NUP58: variants seen among roughly 807,000 people sequenced by gnomAD.
The protein encoded by NUP58 is nucleoporin 58, also known as nucleoporin p58/p45.
A neutral mutation model predicts 70.1 loss-of-function variants in NUP58; 17 were observed. The observed-to-expected ratio is 0.24, with a 90% CI of 0.17 to 0.36. The LOEUF is 0.36. Among genes scored for constraint, NUP58 ranks in the 10% least tolerant of loss-of-function variants. NUP58 has a pLI of 1.00. For missense variants in NUP58, 644 were observed against 701.5 expected, an observed-to-expected ratio of 0.92 and a Z score of 0.93; for synonymous variants, 275 against 257.6, an observed-to-expected ratio of 1.07 and a Z score of -0.65.
At chr13:25,302,097 C>T (rs2030043266) in intron 1 of NUP58, among the ~76,000 whole-genome samples, 2 of 152,268 alleles carry the variant, frequency 1.3e-5, no homozygotes, top group Middle Eastern at 3.2e-3. Context: ...GGGTTCTGTG[C>T]TGTGAGGTTT....
chr13:25,331,630 T>G, intron 13 of NUP58, 72 bp downstream of exon 13: 1 of 1,540,732 alleles, frequency 6.5e-7, no homozygotes, highest in Non-Finnish European at 8.8e-7. Context: ...TTATAAGTCT[T>G]CCATTTGTGT....
intron 2 of NUP58, among the ~76,000 whole-genome samples, chr13:25,308,481 TTTTTTTTAC>T (rs1277333489): frequency 0.013 from 1,968 of 151,252 alleles, 40 homozygotes; most frequent in African/African-American, 0.045. Flanking sequence ...TTTTTTTTTT[TTTTTTTTAC>T]TTTTTTACTT....
At chr13:25,323,676 A>G (rs930697430) in intron 9 of NUP58, among the ~76,000 whole-genome samples, 1 of 151,414 alleles carries the variant, frequency 6.6e-6, no homozygotes, top group Non-Finnish European at 1.5e-5. Flanking sequence ...ATGGAAGACA[A>G]AGTCTTTTAT....
At chr13:25,328,694 A>G (rs112606079) in intron 12 of NUP58, among the ~76,000 whole-genome samples, 3,413 of 152,240 alleles carry the variant, frequency 0.022, 130 homozygotes, top group African/African-American at 0.077. Flanking sequence ...CACTGCACCC[A>G]GCCTGAATAT....
At chr13:25,342,823 T>C (rs946841861), downstream of NUP58, among the ~76,000 whole-genome samples, 1 of 152,182 alleles carries the variant, frequency 6.6e-6, no homozygotes, top group Non-Finnish European at 1.5e-5. Context: ...TTTATTCTCT[T>C]GGATCCCTCT....
intron 15 of NUP58, among the ~76,000 whole-genome samples, chr13:25,339,287 G>A (rs2031884483): frequency 6.6e-6 from 1 of 152,078 alleles, no homozygotes. Context: ...AGTGCTTAGG[G>A]ACAAATACCA....
intron 9 of NUP58, among the ~76,000 whole-genome samples, chr13:25,324,768 T>C (rs897332283): frequency 3.3e-5 from 5 of 152,240 alleles, no homozygotes; most frequent in African/African-American, 1.2e-4. Flanking sequence ...AAAATAGATC[T>C]ACAGCTCTTT....
chr13:25,303,281 G>C (rs987341809), intron 1 of NUP58: 1 of 366,504 alleles, frequency 2.7e-6, no homozygotes, highest in Non-Finnish European at 5.3e-6. Flanking sequence ...GGAACCTCTG[G>C]GGACTCATCT....
At chr13:25,315,149 G>A (rs963019487) in intron 5 of NUP58, among the ~76,000 whole-genome samples, 7 of 152,102 alleles carry the variant, frequency 4.6e-5, no homozygotes, top group African/African-American at 1.2e-4. Context: ...ATGAAAAATC[G>A]CATCATCCAA....
chr13:25,327,530 A>G lies in NUP58; in HGVS notation c.1233+18A>G, dbSNP rs772015997. On this transcript the variant is annotated intron_variant, in intron 12 of 15. Transcript: ENST00000381736. ...ATGTAAAGGTAAGTTTTCATTACCC[A>G]TTTATCTACCTGGATATGTAGACCC... 3 of 1,540,638 alleles carry G rather than the reference A, an allele frequency of 1.9e-6. No individual in the cohort carries two copies. In the Admixed American group the frequency reaches 5.1e-5, roughly 26 times the overall value.
chr13:25,319,423 T>C, intron 7 of NUP58, 73 bp downstream of exon 7: 1 of 1,359,946 alleles, frequency 7.4e-7, no homozygotes, highest in Non-Finnish European at 1.0e-6. Flanking sequence ...GCAGATGGTA[T>C]AATTGAAAGT....
Position 25,333,863 on chromosome 13 carries a change from T to A in NUP58, c.1435+2305T>A, listed in dbSNP as rs141154287. 5.2e-4 allele frequency: 508 copies of A among 985,410 alleles called. 2 individuals carry two copies. The African/African-American group carries it at 8.2e-3, about 16-fold the overall frequency. The allele number at this position is 985,410 out of a possible 1,614,324, so 61.0% of individuals were successfully genotyped here. ...CATTGTTTTTATACATCACTGTTGA[T>A]CTATACAAGATTTGAGTTATCAGAA... is the stretch of plus-strand genomic sequence containing the variant. On this transcript the variant is annotated intron_variant, in intron 13 of 15. Coordinates refer to ENST00000381736, the MANE Select transcript of NUP58 (RefSeq NM_014089.4).
chr13:25,332,434 TTTTTA>T, intron 13 of NUP58: 1 of 984,456 alleles, frequency 1.0e-6, no homozygotes, highest in Non-Finnish European at 1.2e-6. Context: ...GATATTGATT[TTTTTA>T]TTTTAATCAT....
At chr13:25,332,115 A>G in intron 13 of NUP58, 1 of 990,714 alleles carries the variant, frequency 1.0e-6, no homozygotes, top group South Asian at 4.6e-5. Flanking sequence ...CAAATTTTGA[A>G]GATGATACAT....
intron 9 of NUP58, among the ~76,000 whole-genome samples, chr13:25,323,159 T>C (rs1451780983): frequency 6.6e-6 from 1 of 151,948 alleles, no homozygotes; most frequent in Non-Finnish European, 1.5e-5. Context: ...TAATAAAAGA[T>C]TGAGAAGAGC....
At chr13:25,311,284 T>C (rs1313715295) in intron 3 of NUP58, among the ~76,000 whole-genome samples, 3 of 152,216 alleles carry the variant, frequency 2.0e-5, no homozygotes, top group Non-Finnish European at 2.9e-5. Flanking sequence ...GCCTTTAGAC[T>C]CTATTTTAAA....
intron 12 of NUP58, among the ~76,000 whole-genome samples, chr13:25,328,718 A>G (rs1040603261): frequency 6.6e-5 from 10 of 152,132 alleles, no homozygotes; most frequent in Non-Finnish European, 1.2e-4. Flanking sequence ...GACTCTCATA[A>G]TAACGTTAGT....
At chr13:25,348,332 C>CA (rs1236698608) in intron 3 of NUP58, among the ~76,000 whole-genome samples, 1 of 152,074 alleles carries the variant, frequency 6.6e-6, no homozygotes, top group African/African-American at 2.4e-5. Context: ...ATTTTGAAGA[C>CA]AGTATGAAAA....
At position 25,302,178 on chromosome 13, in the gene NUP58, G is replaced by T. The variant is rs2030049543; in HGVS notation, c.107+298G>T. ...CTTGACTGCGTGGAAGGGCCTTGGG[G>T]TCTACCCCGGAGCTTTAGCGATGTG... On this transcript the variant is annotated intron_variant, in intron 1 of 15. Transcript: ENST00000381736. 2.0e-5 allele frequency among the ~76,000 whole-genome samples: 3 copies of T among 152,356 alleles called. No homozygotes were observed. The South Asian group carries it at 6.2e-4, about 32-fold the overall frequency.
Sources: gnomAD v4.1 joint callset for allele counts (sites outside exome capture counted in the v4.1 genomes callset) on GRCh38, gnomAD v4.1.1 for gene constraint, MANE v1.5 for transcripts, NCBI Gene and HGNC (gene_info 2026-07-23, HGNC 2026-07-21) for gene names.